Variants in GRID2 observed in about 807,000 individuals in gnomAD.
GRID2 encodes the protein glutamate receptor ionotropic, delta-2.
In GRID2, 33 loss-of-function variants were observed where a neutral mutation model predicts 114.8. The ratio of observed to expected loss-of-function variants is 0.29; its 90% CI spans 0.22 to 0.38. The LOEUF is 0.38. Ranked by LOEUF, GRID2 falls within the 10% of genes least tolerant of loss-of-function variation. The probability of loss-of-function intolerance (pLI) is 1.00; values close to 1 mark genes in which losing one functional copy is unlikely to be tolerated. For missense variants in GRID2, 1,184 were observed against 1,257.7 expected, an observed-to-expected ratio of 0.94 and a Z score of 0.89; for synonymous variants, 505 against 449.9, an observed-to-expected ratio of 1.12 and a Z score of -1.55.
chr4:92,329,672 G>C (rs1726776286), intron 1 of GRID2, among the ~76,000 whole-genome samples: 1 of 151,806 alleles, frequency 6.6e-6, no homozygotes, highest in South Asian at 2.1e-4. Flanking sequence ...GGTAAACAAT[G>C]ATAAACAAAA....
intron 1 of GRID2, among the ~76,000 whole-genome samples, chr4:93,783,745 C>G (rs4693341): frequency 0.19 from 28,172 of 152,128 alleles, 2,861 homozygotes; most frequent in Middle Eastern, 0.31. Context: ...CTTCTCCCCT[C>G]TTGCTTAGAG....
chr4:92,513,566 T>C (rs1724355808), intron 1 of GRID2, among the ~76,000 whole-genome samples: 1 of 151,800 alleles, frequency 6.6e-6, no homozygotes. Flanking sequence ...CTCCCTCTTA[T>C]ACAATATCAT....
chr4:93,653,210 A>G (rs1722739931), intron 14 of GRID2, among the ~76,000 whole-genome samples: 1 of 152,142 alleles, frequency 6.6e-6, no homozygotes. Context: ...TAATAAAGGA[A>G]CAATGTGAGA....
downstream of GRID2, chr4:93,810,227 T>C (rs1240434188): frequency 6.6e-6 from 1 of 152,218 alleles, no homozygotes; most frequent in Non-Finnish European, 1.5e-5. Flanking sequence ...TTGGTATTAC[T>C]GATGTAGCTT....
chr4:92,675,367 A>G (rs1733292195), intron 2 of GRID2, among the ~76,000 whole-genome samples: 1 of 152,116 alleles, frequency 6.6e-6, no homozygotes, highest in African/African-American at 2.4e-5. Flanking sequence ...AAATTCAAAA[A>G]TAATCACTAT....
At chr4:92,981,372 C>T (rs995414505) in intron 2 of GRID2, among the ~76,000 whole-genome samples, 7 of 151,890 alleles carry the variant, frequency 4.6e-5, no homozygotes, top group South Asian at 4.2e-4. Context: ...TTAATGCGTG[C>T]GTATTATTGA....
At chr4:93,605,633 G>T (rs549961905) in intron 13 of GRID2, among the ~76,000 whole-genome samples, 2 of 152,272 alleles carry the variant, frequency 1.3e-5, no homozygotes, top group South Asian at 4.1e-4. Context: ...GAGAAAGAAA[G>T]AAAGTGAATA....
intron 4 of GRID2, among the ~76,000 whole-genome samples, chr4:93,170,487 C>G (rs1171257132): frequency 1.3e-5 from 2 of 152,110 alleles, no homozygotes; most frequent in Non-Finnish European, 2.9e-5. Context: ...ACATCACATC[C>G]GGATGTGTGT....
At chr4:93,098,956 T>C (rs1168217495) in intron 3 of GRID2, among the ~76,000 whole-genome samples, 2 of 150,910 alleles carry the variant, frequency 1.3e-5, no homozygotes, top group Non-Finnish European at 3.0e-5. Context: ...AAGCATATCC[T>C]GACAGATGAT....
At chr4:93,476,595 T>C (rs903431406) in intron 11 of GRID2, among the ~76,000 whole-genome samples, 1 of 152,144 alleles carries the variant, frequency 6.6e-6, no homozygotes. Flanking sequence ...ATGAGGCTAC[T>C]TGGTTTCTCC....
chr4:92,665,711 TG>T (rs2149272215), intron 2 of GRID2, among the ~76,000 whole-genome samples: 1 of 150,268 alleles, frequency 6.7e-6, no homozygotes, highest in South Asian at 2.1e-4. Context: ...TTGGTTGACA[TG>T]TTTTTTTTTT....
intron 2 of GRID2, among the ~76,000 whole-genome samples, chr4:92,797,181 A>G (rs1225950392): frequency 1.3e-5 from 2 of 151,966 alleles, no homozygotes; most frequent in Non-Finnish European, 2.9e-5. Flanking sequence ...GGCACTTCAT[A>G]TGGGTCCCCT....
At chr4:93,335,497 A>G (rs1758962796) in intron 8 of GRID2, among the ~76,000 whole-genome samples, 1 of 152,156 alleles carries the variant, frequency 6.6e-6, no homozygotes, top group South Asian at 2.1e-4. Flanking sequence ...ATATTGTCTT[A>G]AGCACACTTA....
chr4:93,444,394 A>G (rs540293026), intron 10 of GRID2, among the ~76,000 whole-genome samples: 53 of 152,114 alleles, frequency 3.5e-4, no homozygotes, highest in African/African-American at 1.2e-3. Context: ...CAGTGTAGCA[A>G]TAAGGCTTAT....
intron 4 of GRID2, among the ~76,000 whole-genome samples, chr4:93,197,777 C>T (rs1372185225): frequency 6.6e-5 from 10 of 151,884 alleles, no homozygotes; most frequent in Admixed American, 6.6e-4. Context: ...TTAAGGAGGC[C>T]CAGCATTTGA....
chr4:93,341,538 A>T (rs531774582), intron 8 of GRID2, among the ~76,000 whole-genome samples: 1 of 152,148 alleles, frequency 6.6e-6, no homozygotes, highest in Non-Finnish European at 1.5e-5. Context: ...GGCCAGGGTG[A>T]TCTCGAACTC....
intron 2 of GRID2, among the ~76,000 whole-genome samples, chr4:92,658,182 GAATAT>G (rs2149267000): frequency 6.6e-6 from 1 of 151,744 alleles, no homozygotes; most frequent in Admixed American, 6.6e-5. Flanking sequence ...GACCTTATGG[GAATAT>G]AATAAATGAT....
intron 2 of GRID2, among the ~76,000 whole-genome samples, chr4:92,752,700 AATAGGATACTTG>A (rs1267910059): frequency 1.3e-5 from 2 of 152,212 alleles, no homozygotes; most frequent in African/African-American, 4.8e-5. Context: ...GCTAGTAGCT[AATAGGATACTTG>A]TGATTTGAAA....
At chr4:92,611,946 T>C (rs1215215072) in intron 2 of GRID2, among the ~76,000 whole-genome samples, 1 of 151,566 alleles carries the variant, frequency 6.6e-6, no homozygotes, top group South Asian at 2.1e-4. Context: ...GTCCATGATT[T>C]TCCCCCCTAT....
Sources: gnomAD v4.1 joint callset for allele counts (sites outside exome capture counted in the v4.1 genomes callset) on GRCh38, gnomAD v4.1.1 for gene constraint, MANE v1.5 for transcripts, NCBI Gene and HGNC (gene_info 2026-07-23, HGNC 2026-07-21) for gene names.